The following ARHGEF26 variants were observed in gnomAD, a reference collection of about 807,000 sequenced individuals.
ARHGEF26 encodes the protein Rho guanine nucleotide exchange factor 26, also known as Rho guanine nucleotide exchange factor (GEF) 26.
ARHGEF26 carries 59 observed loss-of-function variants against 89.4 expected under a neutral mutation model. The observed-to-expected ratio is 0.66, with a 90% CI of 0.54 to 0.82. The LOEUF (loss-of-function observed/expected upper bound fraction) is 0.82. Ranked by LOEUF, ARHGEF26 falls within the 40% of genes least tolerant of loss-of-function variation. The pLI is 0.00. For missense variants in ARHGEF26, 1,234 were observed against 1,085.6 expected (o/e 1.14, Z -1.92); for synonymous variants, 500 against 428.4 (o/e 1.17, Z -2.06).
chr3:154,164,670 T>C (rs1053907063), intron 6 of ARHGEF26, among the ~76,000 whole-genome samples: 1 of 152,168 alleles, frequency 6.6e-6, no homozygotes, highest in Non-Finnish European at 1.5e-5. Context: ...AGAAGAGTAA[T>C]ACGAATGACC....
chr3:154,213,199 C>CAGAG (rs774428111), intron 9 of ARHGEF26, among the ~76,000 whole-genome samples: 50 of 65,932 alleles, frequency 7.6e-4, no homozygotes, highest in Admixed American at 2.1e-3. Context: ...TTACGAGTAA[C>CAGAG]ATAGAGAGAG....
intron 11 of ARHGEF26, among the ~76,000 whole-genome samples, chr3:154,237,616 AC>A (rs2108278128): frequency 6.6e-6 from 1 of 151,682 alleles, no homozygotes; most frequent in East Asian, 1.9e-4. Flanking sequence ...TTTTCTGTGA[AC>A]CCTTGGTTTT....
intron 13 of ARHGEF26, among the ~76,000 whole-genome samples, chr3:154,253,733 A>G (rs916504751): frequency 4.1e-4 from 62 of 152,192 alleles, no homozygotes; most frequent in African/African-American, 1.5e-3. Flanking sequence ...TTGTATGCCT[A>G]TTAGCTTCCT....
In ARHGEF26 at chr3:154,197,291, T is replaced by A. The variant is rs541539377; in HGVS notation, c.1845+2573T>A. ...GATATAGTCAGCTCAATAATTAATC[T>A]TCTTTTTTATTTGTAAAGGTTACTG... On this transcript the variant is annotated intron_variant, in intron 9 of 14. Transcript: ENST00000465093. Among the ~76,000 whole-genome samples the A allele has an allele frequency of 2.6e-5, 4 of 152,302 alleles. No individual in the cohort carries two copies. In the South Asian group the frequency reaches 6.2e-4, roughly 24 times the overall value.
At chr3:154,255,187 C>T (rs1718418704) in intron 14 of ARHGEF26, 144 bp from the exon 15 acceptor site, 5 of 825,980 alleles carry the variant, frequency 6.1e-6, no homozygotes, top group Middle Eastern at 7.0e-4. Flanking sequence ...CATTCCCCCT[C>T]GAAAGCTTTC....
At chr3:154,248,968 A>AC (rs1717954727) in intron 12 of ARHGEF26, among the ~76,000 whole-genome samples, 1 of 152,172 alleles carries the variant, frequency 6.6e-6, no homozygotes, top group African/African-American at 2.4e-5. Flanking sequence ...GAACAGAAAC[A>AC]ACTATCTTCA....
chr3:154,213,061 T>A (rs79885489), intron 9 of ARHGEF26, among the ~76,000 whole-genome samples: 1 of 152,160 alleles, frequency 6.6e-6, no homozygotes, highest in Non-Finnish European at 1.5e-5. Context: ...TCTAGAAAAG[T>A]TCATGTCCAC....
chr3:154,198,701 A>C (rs1714435828), intron 9 of ARHGEF26, among the ~76,000 whole-genome samples: 1 of 152,036 alleles, frequency 6.6e-6, no homozygotes, highest in Non-Finnish European at 1.5e-5. Context: ...CATAAGAATG[A>C]TATTATGGAC....
At chr3:154,179,120 CT>C (rs1411695966) in intron 6 of ARHGEF26, among the ~76,000 whole-genome samples, 1 of 152,184 alleles carries the variant, frequency 6.6e-6, no homozygotes, top group Non-Finnish European at 1.5e-5. Context: ...GATTATTGAA[CT>C]TCCTTTTAGT....
intron 3 of ARHGEF26, among the ~76,000 whole-genome samples, chr3:154,129,191 C>T (rs1041532156): frequency 2.6e-5 from 4 of 151,948 alleles, no homozygotes; most frequent in African/African-American, 4.8e-5. Flanking sequence ...GCCCTTGGCA[C>T]GTCATAGATA....
At chr3:154,229,471 C>G (rs1716703098) in intron 11 of ARHGEF26, among the ~76,000 whole-genome samples, 2 of 152,190 alleles carry the variant, frequency 1.3e-5, no homozygotes, top group Admixed American at 1.3e-4. Context: ...TGATTGATTA[C>G]TCTGGATGAG....
At chr3:154,155,031 C>G (rs112686594) in intron 6 of ARHGEF26, among the ~76,000 whole-genome samples, 4,222 of 151,968 alleles carry the variant, frequency 0.028, 83 homozygotes, top group Middle Eastern at 0.048. Flanking sequence ...GCAGTACCAC[C>G]AAGAATAGAT....
At chr3:154,202,146 T>G (rs1714684919) in intron 9 of ARHGEF26, among the ~76,000 whole-genome samples, 1 of 152,172 alleles carries the variant, frequency 6.6e-6, no homozygotes, top group African/African-American at 2.4e-5. Context: ...AGGTCTAACA[T>G]TTAAGTCTTT....
At chr3:154,190,036 A>AAC (rs1431084349) in intron 7 of ARHGEF26, among the ~76,000 whole-genome samples, 18 of 152,296 alleles carry the variant, frequency 1.2e-4, no homozygotes, top group Non-Finnish European at 2.1e-4. Flanking sequence ...TTTTTAAAAA[A>AAC]AATGACTGCT....
chr3:154,253,247 C>G, intron 13 of ARHGEF26, 64 bp downstream of exon 13: 1 of 1,583,660 alleles, frequency 6.3e-7, no homozygotes, highest in Non-Finnish European at 8.6e-7. Flanking sequence ...TGCTGGACGC[C>G]GGGTTACTAA....
intron 9 of ARHGEF26, among the ~76,000 whole-genome samples, chr3:154,216,393 A>G (rs924520761): frequency 6.6e-6 from 1 of 151,646 alleles, no homozygotes. Flanking sequence ...TAGTGAAACA[A>G]ATTTAACTGA....
intron 6 of ARHGEF26, among the ~76,000 whole-genome samples, chr3:154,164,145 A>G (rs747259397): frequency 7.2e-5 from 11 of 152,238 alleles, no homozygotes; most frequent in Middle Eastern, 3.4e-3. Context: ...AGAATTTCTT[A>G]TATCTTAGGT....
At position 154,257,054 on chromosome 3, in the gene ARHGEF26, AACT is replaced by A. The variant is rs530125719; in HGVS notation, c.*1585_*1587del. On this transcript the variant is annotated 3_prime_UTR_variant, in exon 15 of 15. Coordinates refer to ENST00000465093, the MANE Select transcript of ARHGEF26 (RefSeq NM_015595.4). ...CTCAAATCTGTATGTGACATGTCCC[AACT>A]ACTGTCCGCTAACTAGTTATCCAAA... 1.1e-3 allele frequency: 1,525 copies of A among 1,395,556 alleles called. 18 individuals carry two copies. The African/African-American group carries it at 0.021, about 19-fold the overall frequency. The allele number at this position is 1,395,556 out of a possible 1,614,324, so 86.4% of individuals were successfully genotyped here.
At chr3:154,236,843 A>C (rs1717156766) in intron 11 of ARHGEF26, among the ~76,000 whole-genome samples, 1 of 152,258 alleles carries the variant, frequency 6.6e-6, no homozygotes, top group Non-Finnish European at 1.5e-5. Flanking sequence ...TGCATAATGC[A>C]GAAGTTTACT....
Sources: gnomAD v4.1 joint callset for allele counts (sites outside exome capture counted in the v4.1 genomes callset) on GRCh38, gnomAD v4.1.1 for gene constraint, MANE v1.5 for transcripts, NCBI Gene and HGNC (gene_info 2026-07-23, HGNC 2026-07-21) for gene names.